The following AMZ1 variants were observed in gnomAD, a reference collection of about 807,000 sequenced individuals.
AMZ1 encodes the protein archaemetzincin-1.
In AMZ1, 39 loss-of-function variants were observed where a neutral mutation model predicts 29.9. That is an observed-to-expected ratio of 1.30 (90% confidence interval 1.01 to 1.70). The LOEUF is 1.70. Among genes scored for constraint, AMZ1 ranks in the 40% most tolerant of loss-of-function variants. The probability of loss-of-function intolerance (pLI) is 0.00; values close to 1 mark genes in which losing one functional copy is unlikely to be tolerated. For missense variants in AMZ1, 1,041 were observed against 680.6 expected (o/e 1.53, Z -5.89); for synonymous variants, 458 against 304.0 (o/e 1.51, Z -5.27).
At chr7:2,682,776 C>G (rs1257623575) in intron 1 of AMZ1, among the ~76,000 whole-genome samples, 2 of 150,948 alleles carry the variant, frequency 1.3e-5, no homozygotes, top group Non-Finnish European at 3.0e-5. Context: ...GGCCTCATCT[C>G]TTCTCCAGCT....
upstream of AMZ1, among the ~76,000 whole-genome samples, chr7:2,686,268 C>T (rs1787074619): frequency 6.6e-6 from 1 of 152,176 alleles, no homozygotes; most frequent in Non-Finnish European, 1.5e-5. Flanking sequence ...CACGGTGGCT[C>T]ATACCTGTGA....
downstream of AMZ1, among the ~76,000 whole-genome samples, chr7:2,722,207 T>A (rs920421198): frequency 6.6e-6 from 1 of 152,104 alleles, no homozygotes; most frequent in African/African-American, 2.4e-5. Context: ...ACACTGAATT[T>A]CCTGGCGACG....
At chr7:2,722,110 G>A (rs1164121791), downstream of AMZ1, among the ~76,000 whole-genome samples, 2 of 152,142 alleles carry the variant, frequency 1.3e-5, no homozygotes, top group Non-Finnish European at 1.5e-5. Context: ...CCCTTCGGCA[G>A]TGTGTCCTCC....
chr7:2,760,769 G>A (rs76044561), upstream of AMZ1, among the ~76,000 whole-genome samples: 798 of 152,328 alleles, frequency 5.2e-3, 7 homozygotes, highest in African/African-American at 0.018. Context: ...TAGGGACAGC[G>A]TCGAGCTCCC....
At chr7:2,712,302 A>T (rs769514145) in intron 6 of AMZ1, 28 bp from the exon 7 acceptor site, 1 of 1,528,858 alleles carries the variant, frequency 6.5e-7, no homozygotes. Flanking sequence ...GGCACGGAGC[A>T]AACTCAGCCT....
At chr7:2,759,586 C>A (rs1026510413) in intron 4 of AMZ1, among the ~76,000 whole-genome samples, 2 of 152,182 alleles carry the variant, frequency 1.3e-5, no homozygotes, top group African/African-American at 2.4e-5. Context: ...GGTAGTGGCT[C>A]ACATGGGGTT....
chr7:2,686,427 A>G (rs1220744304), upstream of AMZ1, among the ~76,000 whole-genome samples: 2 of 152,140 alleles, frequency 1.3e-5, no homozygotes, highest in Non-Finnish European at 2.9e-5. Context: ...TCAGCTACTC[A>G]GGAGGCTGAG....
At position 2,714,721 on chromosome 7, in the gene AMZ1, G is replaced by T. The variant is rs1373523063; in HGVS notation, c.*1843G>T. ...CCCCTGTGGCTCGACTGGAGTGTTCGTTCACACGGCTGCCAAGTGGAATTT... is the reference window on the plus strand; with the variant it reads ...CCCCTGTGGCTCGACTGGAGTGTTCTTTCACACGGCTGCCAAGTGGAATTT... On this transcript the variant is annotated 3_prime_UTR_variant, in exon 7 of 7. Coordinates refer to ENST00000683327, the MANE Select transcript of AMZ1 (RefSeq NM_001384743.1). 2 of 152,196 alleles carry T rather than the reference G, an allele frequency of 1.3e-5. No homozygotes were observed. The highest frequency in any genetic ancestry group is 2.9e-5 in the Non-Finnish European group (2 of 68,044). 9.4% of individuals were successfully genotyped at this position (152,196 alleles called of 1,614,324 possible).
intron 2 of AMZ1, among the ~76,000 whole-genome samples, chr7:2,701,473 C>T (rs1788050225): frequency 6.6e-6 from 1 of 152,120 alleles, no homozygotes; most frequent in Non-Finnish European, 1.5e-5. Flanking sequence ...GGTCACTGTC[C>T]TCAGAGCTCT....
At chr7:2,704,682 C>T (rs1367512082) in intron 3 of AMZ1, among the ~76,000 whole-genome samples, 4 of 148,962 alleles carry the variant, frequency 2.7e-5, no homozygotes, top group South Asian at 2.1e-4. Context: ...CTGCAAGCTC[C>T]GCCTCCTGGG....
At chr7:2,723,857 G>C (rs181579386), downstream of AMZ1, among the ~76,000 whole-genome samples, 202 of 152,308 alleles carry the variant, frequency 1.3e-3, 2 homozygotes, top group African/African-American at 4.5e-3. Flanking sequence ...CCACGCTCTT[G>C]ACCACCCCTA....
rs781221865 is a variant in AMZ1, at chr7:2,712,935, G to T, written c.*57G>T. 1.8e-5 allele frequency: 27 copies of T among 1,475,484 alleles called. No individual in the cohort carries two copies. Among genetic ancestry groups the T allele is most frequent in the Non-Finnish European group, 2.4e-5 (27 of 1,111,836 alleles). The allele number at this position is 1,475,484 out of a possible 1,614,324, so 91.4% of individuals were successfully genotyped here. A position where few individuals can be genotyped will look rare whatever the true frequency, so the allele number is the denominator to read the frequency against. ...TAAGGATGCTGGCCAGCACTGTCCA[G>T]TAGCTGAGGCCACTACTGACCTGCC... On this transcript the variant is annotated 3_prime_UTR_variant, in exon 7 of 7. Coordinates refer to ENST00000683327, the MANE Select transcript of AMZ1 (RefSeq NM_001384743.1).
chr7:2,755,961 TG>T (rs1791273525), intron 4 of AMZ1, among the ~76,000 whole-genome samples: 1 of 152,226 alleles, frequency 6.6e-6, no homozygotes, highest in Non-Finnish European at 1.5e-5. Flanking sequence ...TGGTAGAAAT[TG>T]ACAAGCTCAT....
upstream of AMZ1, among the ~76,000 whole-genome samples, chr7:2,687,608 G>A (rs1029155470): frequency 6.6e-6 from 1 of 152,234 alleles, no homozygotes; most frequent in African/African-American, 2.4e-5. Context: ...ACAGGGCCAG[G>A]GCTGCACTCA....
chr7:2,722,202 G>A (rs547061216), downstream of AMZ1, among the ~76,000 whole-genome samples: 91 of 152,334 alleles, frequency 6.0e-4, no homozygotes, highest in Non-Finnish European at 1.0e-3. Flanking sequence ...TTACCACACT[G>A]AATTTCCTGG....
intron 4 of AMZ1, among the ~76,000 whole-genome samples, chr7:2,737,293 T>G (rs1307908795): frequency 1.7e-5 from 2 of 114,884 alleles, no homozygotes; most frequent in African/African-American, 3.4e-5. Flanking sequence ...TTTTTTGTTT[T>G]TTTTTTTTTT....
rs553169344 is a variant in AMZ1 at position 2,731,115 on chromosome 7, C to T, written n.550+21299C>T. ...ACTCAAGGACCACACAGACAACACA[C>T]ACCCAAGAGTCTGACCGACAGCCGT... On this transcript the variant is annotated intron_variant and non_coding_transcript_variant, in intron 4 of 4. Coordinates refer to the AMZ1 transcript ENST00000489665. The surrounding 1 kb of genome is among the most constrained non-coding windows in gnomAD (Gnocchi z 6.0). 2.8e-6 allele frequency: 3 copies of T among 1,077,862 alleles called. No individual in the cohort carries two copies. Among genetic ancestry groups the T allele is most frequent in the East Asian group, 2.4e-5 (1 of 42,236 alleles). 66.8% of individuals were successfully genotyped at this position (1,077,862 alleles called of 1,614,324 possible).
In AMZ1 at chr7:2,709,492, G is replaced by C. The variant is rs529863958; in HGVS notation, c.772-148G>C. 2.4e-4 allele frequency: 303 copies of C among 1,286,300 alleles called. 2 individuals carry two copies. In the African/African-American group the frequency reaches 4.0e-3, roughly 17 times the overall value. The allele number at this position is 1,286,300 out of a possible 1,614,324, so 79.7% of individuals were successfully genotyped here. On this transcript the variant is annotated intron_variant, in intron 5 of 6. Coordinates refer to ENST00000683327, the MANE Select transcript of AMZ1 (RefSeq NM_001384743.1). Reference sequence around the variant, plus strand: ...TGGGGCCCTGAAAGTGGCCTGTGCCGCCTGGGGCAGGGGGAGGGCGCCTGG... The same window carrying C: ...TGGGGCCCTGAAAGTGGCCTGTGCCCCCTGGGGCAGGGGGAGGGCGCCTGG...
intron 1 of AMZ1, among the ~76,000 whole-genome samples, chr7:2,691,497 C>T (rs1787383587): frequency 6.7e-6 from 1 of 148,718 alleles, no homozygotes; most frequent in African/African-American, 2.6e-5. Context: ...AATCCCAGCA[C>T]TTCGGGAGGC....
Sources: gnomAD v4.1 joint callset for allele counts (sites outside exome capture counted in the v4.1 genomes callset) on GRCh38, gnomAD v4.1.1 for gene constraint, Gnocchi (gnomAD v3.1) non-coding constraint, MANE v1.5 for transcripts, NCBI Gene and HGNC (gene_info 2026-07-23, HGNC 2026-07-21) for gene names.